The following OR51B5 variants were observed in gnomAD, a reference collection of about 807,000 sequenced individuals.
OR51B5 encodes the protein olfactory receptor family 51 subfamily B member 5, also known as olfactory receptor 51B5.
For synonymous variants in OR51B5, 186 were observed against 144.8 expected (o/e 1.28, Z -2.04); for missense variants, 456 against 374.6 (o/e 1.22, Z -1.79).
downstream of OR51B5, chr11:5,341,376 A>G (rs953915234): frequency 6.6e-6 from 1 of 152,228 alleles, no homozygotes; most frequent in Non-Finnish European, 1.5e-5. Flanking sequence ...CAGAAAGCAG[A>G]AACATGAACA....
rs142870806 is a variant in OR51B5 at position 5,343,273 on chromosome 11, C to A, written c.252G>T (p.Trp84Cys). ...CACTTCCAATCTCCCTGTGATCCAG[C>A]CAGAGGACTCCCAGCACCGTGGGCA... Residue 84 changes from tryptophan to cysteine, a missense_variant, in exon 1 of 1, where the codon TGG becomes TGT. Physicochemically the swap from Trp to Cys is radical, Grantham distance 215 (BLOSUM62 -2). Coordinates refer to ENST00000300773, the Ensembl canonical transcript of OR51B5. 2,357 of 1,612,746 alleles carry A rather than the reference C, an allele frequency of 1.5e-3. 6 individuals carry two copies. The highest frequency in any genetic ancestry group is 8.1e-3 in the Middle Eastern group (49 of 6,048).
rs569898423 is a variant in OR51B5, at chr11:5,452,021, TA to T, written n.84+53547del. ...AAAATGGTAAATAAATACAAGCCATTAAGGGTTTAAAAAGTGCCTGTGTGGG... is the reference window on the plus strand; with the variant it reads ...AAAATGGTAAATAAATACAAGCCATTAGGGTTTAAAAAGTGCCTGTGTGGG... On this transcript the variant is annotated intron_variant and non_coding_transcript_variant, in intron 1 of 4. Transcript: ENST00000415970. Among the ~76,000 whole-genome samples, 115 of 152,254 alleles carry T rather than the reference TA, an allele frequency of 7.6e-4. 3 individuals are homozygous for T. The South Asian group carries it at 0.023, about 30-fold the overall frequency.
chr11:5,492,227 AAAAT>A (rs1466500938), intron 1 of OR51B5, among the ~76,000 whole-genome samples: 1 of 151,994 alleles, frequency 6.6e-6, no homozygotes, highest in Non-Finnish European at 1.5e-5. Context: ...TCTCTCTCAC[AAAAT>A]AAACACACAC....
At chr11:5,408,393 T>A (rs998033132) in intron 1 of OR51B5, among the ~76,000 whole-genome samples, 3 of 142,556 alleles carry the variant, frequency 2.1e-5, no homozygotes, top group African/African-American at 7.5e-5. Flanking sequence ...TCTCCCTTCT[T>A]TCCTTCCTTC....
chr11:5,488,129 T>C (rs1283483153), intron 1 of OR51B5, among the ~76,000 whole-genome samples: 1 of 152,144 alleles, frequency 6.6e-6, no homozygotes, highest in South Asian at 2.1e-4. Context: ...ACAAATACAG[T>C]CATGGGCAGT....
intron 1 of OR51B5, chr11:5,453,912 G>C: frequency 6.2e-7 from 1 of 1,614,204 alleles, no homozygotes; most frequent in Non-Finnish European, 8.5e-7. Context: ...TGAAGTCATT[G>C]CTGCAATGGG....
intron 1 of OR51B5, among the ~76,000 whole-genome samples, chr11:5,416,832 T>G (rs973565668): frequency 2.0e-5 from 3 of 151,800 alleles, no homozygotes; most frequent in Admixed American, 1.3e-4. Flanking sequence ...GAATCAATAT[T>G]GTGACAATGG....
chr11:5,433,567 G>A lies in OR51B5; in HGVS notation n.84+72002C>T, dbSNP rs553011324. Among the ~76,000 whole-genome samples the A allele has an allele frequency of 4.6e-5, 7 of 152,284 alleles. No homozygotes were observed. In the South Asian group the frequency reaches 1.4e-3, roughly 32 times the overall value. ...ATAAAAATGCCCTGCTGGAATAAAT[G>A]TATGGTCAGGAGAATGTACTGTCAA... On this transcript the variant is annotated intron_variant and non_coding_transcript_variant, in intron 1 of 4. Coordinates refer to the OR51B5 transcript ENST00000415970.
chr11:5,441,238 G>C, intron 1 of OR51B5: 1 of 1,613,950 alleles, frequency 6.2e-7, no homozygotes, highest in Non-Finnish European at 8.5e-7. Flanking sequence ...AACGCAACAT[G>C]GTTGTAGTTG....
chr11:5,372,803 C>T (rs1472395643), intron 1 of OR51B5, among the ~76,000 whole-genome samples: 1 of 152,140 alleles, frequency 6.6e-6, no homozygotes, highest in Admixed American at 6.5e-5. Context: ...AGCTCTGGCA[C>T]ATTTTACAGA....
intron 1 of OR51B5, chr11:5,352,579 C>G (rs2133688918): frequency 3.2e-6 from 2 of 621,596 alleles, no homozygotes; most frequent in African/African-American, 1.8e-5. Context: ...GGAAATCAGT[C>G]AATCCCTCTG....
chr11:5,405,627 T>C (rs1850047361), intron 1 of OR51B5, among the ~76,000 whole-genome samples: 1 of 152,206 alleles, frequency 6.6e-6, no homozygotes, highest in Non-Finnish European at 1.5e-5. Flanking sequence ...ATGCTTCTTA[T>C]ACAAATAACG....
intron 1 of OR51B5, among the ~76,000 whole-genome samples, chr11:5,484,236 G>A (rs1851468440): frequency 6.6e-6 from 1 of 152,162 alleles, no homozygotes; most frequent in South Asian, 2.1e-4. Context: ...ACAGGATCCT[G>A]CAACAAGTTA....
chr11:5,456,202 A>T (rs1308369055), intron 1 of OR51B5: 4 of 152,220 alleles, frequency 2.6e-5, no homozygotes, highest in Non-Finnish European at 4.4e-5. Context: ...TTAGAAACCC[A>T]ATGGTGTAAC....
At chr11:5,435,559 G>T (rs1850580780) in intron 1 of OR51B5, among the ~76,000 whole-genome samples, 2 of 45,904 alleles carry the variant, frequency 4.4e-5, no homozygotes, top group Admixed American at 5.3e-4. Context: ...ATACCTAACA[G>T]ATGCTTAATA....
chr11:5,368,516 C>A (rs760176767), intron 1 of OR51B5, among the ~76,000 whole-genome samples: 4 of 151,978 alleles, frequency 2.6e-5, no homozygotes, highest in Non-Finnish European at 1.5e-5. Flanking sequence ...ACAATTTGAC[C>A]TTTGGGCTGA....
chr11:5,374,645 G>C (rs1849495543), intron 1 of OR51B5, among the ~76,000 whole-genome samples: 1 of 152,218 alleles, frequency 6.6e-6, no homozygotes, highest in African/African-American at 2.4e-5. Context: ...TAAAGGAGCT[G>C]ATGGAGCTGA....
At chr11:5,502,924 C>G (rs942205850) in intron 1 of OR51B5, among the ~76,000 whole-genome samples, 3 of 152,086 alleles carry the variant, frequency 2.0e-5, no homozygotes, top group African/African-American at 7.2e-5. Context: ...ATTCCTAGCA[C>G]CAAACATCAT....
At chr11:5,364,862 T>C (rs1432852518) in intron 1 of OR51B5, among the ~76,000 whole-genome samples, 4 of 152,236 alleles carry the variant, frequency 2.6e-5, no homozygotes, top group Non-Finnish European at 5.9e-5. Context: ...TATTGGTGAA[T>C]TTCCATTTAA....
Sources: allele counts gnomAD v4.1 joint callset (sites outside exome capture counted in the v4.1 genomes callset), GRCh38; gene constraint gnomAD v4.1.1; transcripts MANE v1.5; gene names NCBI Gene and HGNC (gene_info 2026-07-23, HGNC 2026-07-21).